PTPRD: variants seen among roughly 807,000 people sequenced by gnomAD.
The protein encoded by PTPRD is receptor-type tyrosine-protein phosphatase delta.
A neutral mutation model predicts 214.5 loss-of-function variants in PTPRD; 34 were observed. The observed-to-expected ratio is 0.16, with a 90% CI of 0.12 to 0.21. PTPRD has a LOEUF of 0.21. Among genes scored for constraint, PTPRD ranks in the 10% least tolerant of loss-of-function variants. PTPRD has a pLI of 1.00. For synonymous variants in PTPRD, 1,128 were observed against 845.7 expected (o/e 1.33, Z -5.79); for missense variants, 2,545 against 2,398.7 (o/e 1.06, Z -1.27).
At chr9:8,949,130 A>G (rs993137856) in intron 11 of PTPRD, among the ~76,000 whole-genome samples, 3 of 151,678 alleles carry the variant, frequency 2.0e-5, no homozygotes, top group Non-Finnish European at 2.9e-5. Flanking sequence ...AGGCTGAGGC[A>G]GGAGAATCGC....
chr9:9,685,452 T>C (rs2097150676), intron 7 of PTPRD, among the ~76,000 whole-genome samples: 1 of 151,446 alleles, frequency 6.6e-6, no homozygotes. Flanking sequence ...GAATAAACTA[T>C]TACTTTTACA....
rs564465744 is a variant in PTPRD at position 8,853,807 on chromosome 9, A to G, written c.-103-119861T>C. ...TTAAAACACTGGTTTTGCTTGAGGC[A>G]GTAAGCTGCCTCTTTGCCATCACAA... On this transcript the variant is annotated intron_variant, in intron 11 of 45. Coordinates refer to ENST00000381196, the MANE Select transcript of PTPRD (RefSeq NM_002839.4). Among the ~76,000 whole-genome samples, 4 of 152,340 alleles carry G rather than the reference A, an allele frequency of 2.6e-5. No individual in the cohort carries two copies. In the South Asian group the frequency reaches 8.3e-4, roughly 32 times the overall value.
intron 12 of PTPRD, among the ~76,000 whole-genome samples, chr9:8,732,389 T>C (rs1483133810): frequency 1.3e-5 from 2 of 152,146 alleles, no homozygotes; most frequent in Non-Finnish European, 2.9e-5. Flanking sequence ...TTAACAATGG[T>C]GAAACAACTT....
At chr9:8,517,767 T>G (rs71507652) in intron 21 of PTPRD, 81 bp downstream of exon 21, 1 of 1,203,776 alleles carries the variant, frequency 8.3e-7, no homozygotes, top group Non-Finnish European at 1.2e-6. Flanking sequence ...ACCATCTTTG[T>G]TCCTTCTTTG....
At chr9:8,806,590 G>C (rs538899181) in intron 11 of PTPRD, among the ~76,000 whole-genome samples, 1 of 152,222 alleles carries the variant, frequency 6.6e-6, no homozygotes, top group Non-Finnish European at 1.5e-5. Context: ...TATCCAGCAA[G>C]TATTGACAAA....
At chr9:9,590,280 C>A (rs908934469) in intron 7 of PTPRD, among the ~76,000 whole-genome samples, 2 of 151,964 alleles carry the variant, frequency 1.3e-5, no homozygotes, top group African/African-American at 4.8e-5. Context: ...GTGAGCTCCT[C>A]ACAGGCAGCA....
chr9:8,657,388 C>T (rs1190717152), intron 12 of PTPRD, among the ~76,000 whole-genome samples: 1 of 152,088 alleles, frequency 6.6e-6, no homozygotes, highest in African/African-American at 2.4e-5. Flanking sequence ...AGGCTGGTCT[C>T]GAACTCCTGA....
At chr9:8,620,088 G>T (rs180740063) in intron 14 of PTPRD, among the ~76,000 whole-genome samples, 58 of 152,070 alleles carry the variant, frequency 3.8e-4, no homozygotes, top group Non-Finnish European at 6.8e-4. Context: ...CAGAACCTCA[G>T]ATGGAACACC....
At chr9:9,940,820 C>G (rs923459380) in intron 4 of PTPRD, among the ~76,000 whole-genome samples, 2 of 152,092 alleles carry the variant, frequency 1.3e-5, no homozygotes, top group African/African-American at 2.4e-5. Flanking sequence ...ACATTTCAAC[C>G]CTGATTTGCC....
chr9:8,449,383 T>C (rs1280750312), intron 34 of PTPRD, among the ~76,000 whole-genome samples: 2 of 152,120 alleles, frequency 1.3e-5, no homozygotes, highest in East Asian at 3.9e-4. Context: ...ATTCATTCAC[T>C]TGATGAGAAA....
intron 7 of PTPRD, among the ~76,000 whole-genome samples, chr9:9,667,849 C>T (rs937905890): frequency 1.3e-5 from 2 of 152,116 alleles, no homozygotes; most frequent in Non-Finnish European, 2.9e-5. Context: ...TGTCAAGCAT[C>T]CTTGGTGACC....
At chr9:10,319,716 T>C (rs1250931328) in intron 3 of PTPRD, among the ~76,000 whole-genome samples, 1 of 151,992 alleles carries the variant, frequency 6.6e-6, no homozygotes, top group African/African-American at 2.4e-5. Flanking sequence ...AACCTATGCT[T>C]TTACATTCTT....
Position 9,132,060 on chromosome 9 carries a change from T to C in PTPRD, c.-143+51244A>G, listed in dbSNP as rs994161047. On this transcript the variant is annotated intron_variant, in intron 10 of 45. Coordinates refer to ENST00000381196, the MANE Select transcript of PTPRD (RefSeq NM_002839.4). ...TCTGTCTCTGTTGCCCAGGCTGGAG[T>C]GCAGTGGCACGATCTAGGCTCACTG... is the stretch of plus-strand genomic sequence containing the variant. 5.9e-5 allele frequency among the ~76,000 whole-genome samples: 9 copies of C among 152,228 alleles called. No homozygotes were observed. In the East Asian group the frequency reaches 1.6e-3, roughly 26 times the overall value.
chr9:10,427,181 A>C (rs2098630031), intron 2 of PTPRD, among the ~76,000 whole-genome samples: 2 of 152,090 alleles, frequency 1.3e-5, no homozygotes, highest in South Asian at 4.1e-4. Flanking sequence ...CAGCTATGAC[A>C]GCATATAAAA....
At chr9:9,552,421 A>T (rs1250985356) in intron 8 of PTPRD, among the ~76,000 whole-genome samples, 3 of 152,092 alleles carry the variant, frequency 2.0e-5, no homozygotes, top group Non-Finnish European at 4.4e-5. Flanking sequence ...ACTCCAAACG[A>T]TGAGCTTTTC....
intron 10 of PTPRD, among the ~76,000 whole-genome samples, chr9:9,033,748 G>A (rs953876956): frequency 6.6e-6 from 1 of 151,816 alleles, no homozygotes; most frequent in East Asian, 1.9e-4. Context: ...ACTTGCCCAG[G>A]TGGTCTCATT....
At chr9:9,867,994 T>C (rs144274062) in intron 5 of PTPRD, among the ~76,000 whole-genome samples, 68 of 152,226 alleles carry the variant, frequency 4.5e-4, no homozygotes, top group African/African-American at 1.5e-3. Context: ...ACTAATTCCT[T>C]TCCCCTCACA....
At chr9:9,763,987 A>T (rs2098685747) in intron 6 of PTPRD, among the ~76,000 whole-genome samples, 1 of 152,110 alleles carries the variant, frequency 6.6e-6, no homozygotes, top group South Asian at 2.1e-4. Flanking sequence ...CCAAGAAGCC[A>T]GATTGATTAA....
intron 9 of PTPRD, among the ~76,000 whole-genome samples, chr9:9,193,886 A>G (rs1229951172): frequency 6.6e-6 from 1 of 152,126 alleles, no homozygotes; most frequent in Non-Finnish European, 1.5e-5. Flanking sequence ...TCTCAATAAT[A>G]AATTAACCTT....
Sources: allele counts gnomAD v4.1 joint callset (sites outside exome capture counted in the v4.1 genomes callset), GRCh38; gene constraint gnomAD v4.1.1; transcripts MANE v1.5; gene names NCBI Gene and HGNC (gene_info 2026-07-23, HGNC 2026-07-21).